STK38: variants seen among roughly 807,000 people sequenced by gnomAD.
STK38 encodes serine/threonine-protein kinase 38.
Under a neutral mutation model 59.0 loss-of-function variants are expected in STK38, and 26 were observed. The observed-to-expected ratio is 0.44, with a 90% confidence interval of 0.32 to 0.61. The LOEUF is 0.61. Among genes scored for constraint, STK38 ranks in the 20% least tolerant of loss-of-function variants. The pLI is 0.04. For missense variants in STK38, 433 were observed against 566.0 expected (o/e 0.76, Z 2.38); for synonymous variants, 175 against 176.6 (o/e 0.99, Z 0.07).
intron 9 of STK38, among the ~76,000 whole-genome samples, chr6:36,502,806 C>T (rs1242790240): frequency 1.3e-5 from 2 of 152,150 alleles, no homozygotes; most frequent in Non-Finnish European, 2.9e-5. Flanking sequence ...AGAATTTTGC[C>T]ATCTATCTCT....
At chr6:36,501,758 C>T (rs1367488138) in intron 9 of STK38, among the ~76,000 whole-genome samples, 1 of 152,062 alleles carries the variant, frequency 6.6e-6, no homozygotes, top group Non-Finnish European at 1.5e-5. Context: ...GAGATTTATT[C>T]ATGTAGCTCT....
At chr6:36,516,517 A>G (rs1777255696) in intron 6 of STK38, among the ~76,000 whole-genome samples, 2 of 152,204 alleles carry the variant, frequency 1.3e-5, no homozygotes, top group Admixed American at 6.5e-5. Context: ...TTATTGGAGA[A>G]AAGTAGCTAT....
At position 36,495,397 on chromosome 6, in the gene STK38, G is replaced by GTAGA; in HGVS notation, c.*386_*387insTCTA. ...ACTTGGTGGGCTTGGCAGAGAGCGT[G>GTAGA]TCACAAAATTACAGGAACTGGCTGA... On this transcript the variant is annotated 3_prime_UTR_variant, in exon 14 of 14. Transcript: ENST00000229812. 5.6e-6 allele frequency: 1 copy of GTAGA among 178,662 alleles called. No individual in the cohort carries two copies. Among genetic ancestry groups the GTAGA allele is most frequent in the Non-Finnish European group, 1.2e-5 (1 of 83,864 alleles). The allele number at this position is 178,662 out of a possible 1,614,324, so 11.1% of individuals were successfully genotyped here.
chr6:36,529,425 C>T (rs967096480), intron 2 of STK38, among the ~76,000 whole-genome samples: 1 of 152,214 alleles, frequency 6.6e-6, no homozygotes, highest in African/African-American at 2.4e-5. Flanking sequence ...GCAGGACTCT[C>T]CACACAGGCA....
chr6:36,498,708 C>CT (rs1776767177), intron 10 of STK38, among the ~76,000 whole-genome samples: 1 of 151,814 alleles, frequency 6.6e-6, no homozygotes, highest in Non-Finnish European at 1.5e-5. Context: ...CTGCCTCAGC[C>CT]TTCCCAGTAG....
chr6:36,513,848 T>TAAAAAAA (rs1178706954), intron 7 of STK38, among the ~76,000 whole-genome samples: 21 of 63,766 alleles, frequency 3.3e-4, no homozygotes, highest in Middle Eastern at 0.015. Context: ...TACTAAAAAT[T>TAAAAAAA]AAAAAAAAAA....
At chr6:36,544,824 C>T (rs1250554805) in intron 1 of STK38, among the ~76,000 whole-genome samples, 1 of 152,050 alleles carries the variant, frequency 6.6e-6, no homozygotes, top group East Asian at 1.9e-4. Context: ...GTGAGTTTGG[C>T]TTGTGCCACT....
intron 2 of STK38, among the ~76,000 whole-genome samples, chr6:36,527,207 A>AAAAATATATAT (rs60162863): frequency 1.3e-4 from 15 of 119,346 alleles, no homozygotes; most frequent in East Asian, 1.2e-3. Context: ...AAAAAAAAAA[A>AAAAATATATAT]ATATATGTAT....
intron 2 of STK38, among the ~76,000 whole-genome samples, chr6:36,527,312 A>ACATG (rs1366398558): frequency 1.2e-5 from 1 of 86,078 alleles, no homozygotes; most frequent in African/African-American, 5.2e-5. Context: ...ATATACGTAT[A>ACATG]TATACACACA....
At chr6:36,501,779 T>C (rs533777462) in intron 9 of STK38, among the ~76,000 whole-genome samples, 3 of 152,212 alleles carry the variant, frequency 2.0e-5, no homozygotes, top group Non-Finnish European at 2.9e-5. Flanking sequence ...AGTTCACTCA[T>C]TTCTCTGCCG....
intron 2 of STK38, among the ~76,000 whole-genome samples, chr6:36,529,470 T>G (rs915806925): frequency 1.3e-5 from 2 of 152,172 alleles, no homozygotes; most frequent in Non-Finnish European, 2.9e-5. Flanking sequence ...TAACTAACAC[T>G]CCAGCCCTTG....
intron 2 of STK38, among the ~76,000 whole-genome samples, chr6:36,525,900 C>G (rs1317579947): frequency 1.3e-5 from 2 of 152,110 alleles, no homozygotes; most frequent in South Asian, 4.1e-4. Context: ...GTCACCCAGG[C>G]TAGAATGCAG....
At chr6:36,502,031 T>C (rs1039561121) in intron 9 of STK38, among the ~76,000 whole-genome samples, 1 of 152,222 alleles carries the variant, frequency 6.6e-6, no homozygotes, top group African/African-American at 2.4e-5. Context: ...TTAGTCCCTA[T>C]TTAAACCAAC....
At chr6:36,504,132 T>A (rs1582409252) in intron 9 of STK38, among the ~76,000 whole-genome samples, 1 of 152,366 alleles carries the variant, frequency 6.6e-6, no homozygotes, top group South Asian at 2.1e-4. Flanking sequence ...CAATTTAATT[T>A]CCTACTCACT....
At chr6:36,507,905 C>T (rs1029744308) in intron 7 of STK38, among the ~76,000 whole-genome samples, 1 of 150,488 alleles carries the variant, frequency 6.6e-6, no homozygotes, top group African/African-American at 2.4e-5. Flanking sequence ...CTCAAATATT[C>T]CTCTGTTTCT....
chr6:36,543,520 A>C (rs1777990185), intron 1 of STK38, among the ~76,000 whole-genome samples: 1 of 152,020 alleles, frequency 6.6e-6, no homozygotes, highest in Non-Finnish European at 1.5e-5. Context: ...TGAGGTAGAG[A>C]GATCATTTGA....
chr6:36,506,061 T>C (rs900296086), intron 9 of STK38, among the ~76,000 whole-genome samples: 8 of 152,216 alleles, frequency 5.3e-5, no homozygotes, highest in Non-Finnish European at 1.0e-4. Context: ...GTCAAATGCA[T>C]ATAAAGTAAT....
intron 2 of STK38, among the ~76,000 whole-genome samples, chr6:36,531,122 A>C (rs941080855): frequency 6.6e-6 from 1 of 152,226 alleles, no homozygotes; most frequent in African/African-American, 2.4e-5. Context: ...TTGAGGCTTA[A>C]ATAAAACTGA....
At position 36,533,066 on chromosome 6, in the gene STK38, A is replaced by C. The variant is rs796812958; in HGVS notation, c.131+7006T>G. ...GTGCAACAGAGTGAGACTCCATCTCAAAAAAAAAAAAAAAAAGGGGTACAC... is the reference window on the plus strand; with the variant it reads ...GTGCAACAGAGTGAGACTCCATCTCCAAAAAAAAAAAAAAAAGGGGTACAC... On this transcript the variant is annotated intron_variant, in intron 2 of 13. Transcript: ENST00000229812. 3.8e-3 allele frequency among the ~76,000 whole-genome samples: 512 copies of C among 133,968 alleles called. 3 individuals carry two copies. Among genetic ancestry groups the C allele is most frequent in the African/African-American group, 0.015 (486 of 32,830 alleles). The allele number at this position is 133,968 out of a possible 152,430, so 87.9% of individuals were successfully genotyped here.
Sources: gnomAD v4.1 joint callset for allele counts (sites outside exome capture counted in the v4.1 genomes callset) on GRCh38, gnomAD v4.1.1 for gene constraint, MANE v1.5 for transcripts, NCBI Gene and HGNC (gene_info 2026-07-23, HGNC 2026-07-21) for gene names.